Variants in ACAP2 observed in about 807,000 individuals in gnomAD.
The protein encoded by ACAP2 is arf-GAP with coiled-coil, ANK repeat and PH domain-containing protein 2.
ACAP2 carries 39 observed loss-of-function variants against 115.8 expected under a neutral mutation model. The ratio of observed to expected loss-of-function variants is 0.34; its 90% CI spans 0.26 to 0.44. The LOEUF is 0.44. ACAP2 is among the 20% of genes least tolerant of loss of function. The probability of loss-of-function intolerance (pLI) is 1.00; values close to 1 mark genes in which losing one functional copy is unlikely to be tolerated. For synonymous variants in ACAP2, 289 were observed against 315.8 expected, an observed-to-expected ratio of 0.92 and a Z score of 0.90; for missense variants, 662 against 927.6, an observed-to-expected ratio of 0.71 and a Z score of 3.72.
intron 7 of ACAP2, chr3:195,336,603 T>C (rs1178903136): frequency 5.4e-6 from 1 of 186,240 alleles, no homozygotes; most frequent in Non-Finnish European, 1.1e-5. Flanking sequence ...CAGGTTTTTA[T>C]ACCAAACATT....
In ACAP2 at chr3:195,285,872, AAT is replaced by A. The variant is rs760994400; in HGVS notation, c.2175-17_2175-16del. 7.5e-6 allele frequency: 12 copies of A among 1,589,648 alleles called. No homozygotes were observed. Among genetic ancestry groups the A allele is most frequent in the African/African-American group, 5.4e-5 (4 of 74,342 alleles). On this transcript the variant is annotated splice_polypyrimidine_tract_variant and intron_variant, in intron 21 of 22. Coordinates refer to ENST00000326793, the MANE Select transcript of ACAP2 (RefSeq NM_012287.6). ...CTAAACGTAACCTAAAAATAAATAA[AAT>A]AGTGTTTTAGATGACATTATATAAT...
rs1728486628 is a variant in ACAP2 at position 195,307,312 on chromosome 3, A to C, written c.921T>G (p.Thr307=). Residue 307 remains threonine, a synonymous_variant, in exon 12 of 23, where the codon ACT becomes ACG. Transcript: ENST00000326793. ...AAAGCCTGAGGTCTTCAACTACCACAGTCGGATTATCCTATAGTGAGGAAA... is the reference window on the plus strand; with the variant it reads ...AAAGCCTGAGGTCTTCAACTACCACCGTCGGATTATCCTATAGTGAGGAAA... ...VYQKKFKDNP[T]VVVEDLRLCT... 6.2e-7 allele frequency: 1 copy of C among 1,612,126 alleles called. No individual in the cohort carries two copies. The highest frequency in any genetic ancestry group is 1.7e-5 in the Admixed American group (1 of 59,898).
intron 15 of ACAP2, among the ~76,000 whole-genome samples, chr3:195,299,303 C>T (rs1727863001): frequency 2.0e-5 from 3 of 152,118 alleles, no homozygotes; most frequent in African/African-American, 7.2e-5. Context: ...CGTGTGGTGG[C>T]TCATGCCTGT....
chr3:195,437,775 A>T (rs1374600625), intron 1 of ACAP2, among the ~76,000 whole-genome samples: 1 of 137,212 alleles, frequency 7.3e-6, no homozygotes, highest in Non-Finnish European at 1.5e-5. Flanking sequence ...AGATTGCACC[A>T]CTGCACTCCA....
intron 10 of ACAP2, among the ~76,000 whole-genome samples, chr3:195,309,545 C>CA (rs199627783): frequency 0.022 from 2,337 of 106,412 alleles, 18 homozygotes; most frequent in Middle Eastern, 0.032. Context: ...GACTCCGTCT[C>CA]AAAAAAAAAA....
intron 10 of ACAP2, among the ~76,000 whole-genome samples, chr3:195,311,420 G>A (rs1243327440): frequency 6.6e-6 from 1 of 151,554 alleles, no homozygotes; most frequent in Non-Finnish European, 1.5e-5. Flanking sequence ...ACATTTCTAA[G>A]AAAAGGAAAA....
At position 195,291,796 on chromosome 3, in the gene ACAP2, TCA is replaced by T; in HGVS notation, c.1971_1972del (p.Cys657Ter). On this transcript the variant is annotated stop_gained and frameshift_variant, in exon 20 of 23. Coordinates refer to ENST00000326793, the MANE Select transcript of ACAP2 (RefSeq NM_012287.6). LOFTEE classifies it high-confidence loss of function. ...ATTAGCACCATTCTGTAGGAGGAAC[TCA>T]CACGTCACCAAAGAGCCCTTAAAGG... 1 of 1,613,330 alleles carries T rather than the reference TCA, an allele frequency of 6.2e-7. No homozygotes were observed.
intron 1 of ACAP2, among the ~76,000 whole-genome samples, chr3:195,433,221 T>G (rs1015549792): frequency 1.3e-5 from 2 of 152,234 alleles, no homozygotes; most frequent in African/African-American, 2.4e-5. Flanking sequence ...CTAGATTATT[T>G]CTAATACCTA....
intron 4 of ACAP2, among the ~76,000 whole-genome samples, chr3:195,359,855 C>T (rs1732234521): frequency 6.6e-6 from 1 of 151,984 alleles, no homozygotes; most frequent in African/African-American, 2.4e-5. Flanking sequence ...TATTTGCAAG[C>T]CTCATGGTAA....
chr3:195,373,412 G>A (rs1235433855), intron 4 of ACAP2, among the ~76,000 whole-genome samples: 6 of 152,010 alleles, frequency 3.9e-5, no homozygotes, highest in Non-Finnish European at 8.8e-5. Context: ...GAAATACTAT[G>A]AGAATATCAC....
chr3:195,307,702 T>A (rs912247579), intron 11 of ACAP2, among the ~76,000 whole-genome samples: 5 of 152,188 alleles, frequency 3.3e-5, no homozygotes, highest in Non-Finnish European at 7.4e-5. Flanking sequence ...TTTTATTCAG[T>A]CAAGTTTTAA....
intron 5 of ACAP2, among the ~76,000 whole-genome samples, chr3:195,343,154 T>C (rs1157541112): frequency 6.6e-6 from 1 of 152,236 alleles, no homozygotes. Flanking sequence ...TAAAATTTCA[T>C]TATTTAAATC....
At position 195,294,737 on chromosome 3, in the gene ACAP2, T is replaced by C; in HGVS notation, c.1747A>G (p.Asn583Asp). The change falls in exon 18 of 23, where the codon AAT becomes GAT. Residue 583 changes from asparagine (N) to aspartate (D), a missense_variant. Physicochemically the swap from Asn to Asp is conservative, Grantham distance 23. Transcript: ENST00000326793. ...AACTCACCAGGCTCATATAAACTAT[T>C]GGCTGACACCGTGGAGGGTAAAGAT... ...RESLPSTVSANSLYEPEGERQ... is the reference protein window; with the variant it reads ...RESLPSTVSADSLYEPEGERQ... 6.2e-7 allele frequency: 1 copy of C among 1,607,204 alleles called. No individual in the cohort carries two copies. The highest frequency in any genetic ancestry group is 8.5e-7 in the Non-Finnish European group (1 of 1,175,280).
chr3:195,384,710 G>A (rs1400246554), intron 2 of ACAP2, among the ~76,000 whole-genome samples: 1 of 141,528 alleles, frequency 7.1e-6, no homozygotes, highest in African/African-American at 2.7e-5. Context: ...CTCAGTGACA[G>A]AGCGAGGCTG....
At chr3:195,391,711 C>G (rs562651118) in intron 2 of ACAP2, among the ~76,000 whole-genome samples, 2 of 152,084 alleles carry the variant, frequency 1.3e-5, no homozygotes, top group East Asian at 3.9e-4. Context: ...AAAAAGCTAC[C>G]AGGCCAGGTG....
intron 1 of ACAP2, among the ~76,000 whole-genome samples, chr3:195,392,805 T>C (rs1421706831): frequency 6.6e-6 from 1 of 152,158 alleles, no homozygotes; most frequent in Non-Finnish European, 1.5e-5. Context: ...AATTGGAAAT[T>C]TGTCTGAAAC....
At chr3:195,369,334 G>A (rs538138307) in intron 4 of ACAP2, among the ~76,000 whole-genome samples, 21 of 152,228 alleles carry the variant, frequency 1.4e-4, no homozygotes, top group African/African-American at 5.1e-4. Flanking sequence ...CTCTTATCAT[G>A]GGGGTTTGAT....
chr3:195,344,534 T>C (rs1392621902), intron 5 of ACAP2, among the ~76,000 whole-genome samples: 15 of 152,154 alleles, frequency 9.9e-5, no homozygotes, highest in Non-Finnish European at 8.8e-5. Context: ...CATGTACTTT[T>C]TTTTTTTTTG....
intron 4 of ACAP2, among the ~76,000 whole-genome samples, chr3:195,370,952 CA>C (rs35365512): frequency 0.05 from 5,221 of 104,264 alleles, 183 homozygotes; most frequent in African/African-American, 0.14. Flanking sequence ...AACTCTGTCT[CA>C]AAAAAAAAAA....
Sources: gnomAD v4.1 joint callset for allele counts (sites outside exome capture counted in the v4.1 genomes callset) on GRCh38, gnomAD v4.1.1 for gene constraint, MANE v1.5 for transcripts, NCBI Gene and HGNC (gene_info 2026-07-23, HGNC 2026-07-21) for gene names.